STK3: variants seen among roughly 807,000 people sequenced by gnomAD.
STK3 encodes serine/threonine-protein kinase 3.
A neutral mutation model predicts 58.0 loss-of-function variants in STK3; 41 were observed. The observed-to-expected ratio is 0.71, with a 90% confidence interval of 0.55 to 0.92. STK3 has a LOEUF of 0.92. Ranked by LOEUF, STK3 falls within the 40% of genes least tolerant of loss-of-function variation. STK3 has a pLI of 0.00. For missense variants in STK3, 479 were observed against 602.7 expected (o/e 0.79, Z 2.15); for synonymous variants, 170 against 191.0 (o/e 0.89, Z 0.91).
intron 1 of STK3, among the ~76,000 whole-genome samples, chr8:98,809,785 T>A (rs1834104685): frequency 6.6e-6 from 1 of 152,240 alleles, no homozygotes; most frequent in Non-Finnish European, 1.5e-5. Context: ...TTGTACATAA[T>A]GCTGCTATGA....
intron 4 of STK3, among the ~76,000 whole-genome samples, chr8:98,723,828 TGTA>T (rs1269181601): frequency 2.6e-5 from 4 of 152,118 alleles, no homozygotes; most frequent in Non-Finnish European, 5.9e-5. Context: ...AACTCACCAA[TGTA>T]ATCCTTACAC....
intron 3 of STK3, among the ~76,000 whole-genome samples, chr8:98,851,399 T>G (rs1336489436): frequency 6.6e-6 from 1 of 152,120 alleles, no homozygotes; most frequent in Non-Finnish European, 1.5e-5. Flanking sequence ...AAGACAGAGG[T>G]TGCAGAGTCA....
At chr8:98,473,620 T>C (rs1821089018) in intron 10 of STK3, among the ~76,000 whole-genome samples, 1 of 152,198 alleles carries the variant, frequency 6.6e-6, no homozygotes, top group Non-Finnish European at 1.5e-5. Flanking sequence ...ATTCCTCTTG[T>C]TAGGTCGCCA....
intron 1 of STK3, among the ~76,000 whole-genome samples, chr8:98,912,985 G>A (rs1564100364): frequency 6.6e-6 from 1 of 152,230 alleles, no homozygotes; most frequent in East Asian, 1.9e-4. Context: ...CTTGCCTCAT[G>A]CAGCCTCCAC....
At chr8:98,713,073 T>G (rs1299790996) in intron 4 of STK3, among the ~76,000 whole-genome samples, 3 of 152,180 alleles carry the variant, frequency 2.0e-5, no homozygotes, top group African/African-American at 7.2e-5. Flanking sequence ...ATAAAGATGT[T>G]CTTTGAAACC....
At chr8:98,424,129 C>T (rs10955173) in intron 3 of STK3, among the ~76,000 whole-genome samples, 82,103 of 152,236 alleles carry the variant, frequency 0.54, 23,050 homozygotes, top group Non-Finnish European at 0.63. Context: ...GGGAAATAAA[C>T]AAGTGGCTCT....
chr8:98,673,616 G>A (rs1029603664), intron 6 of STK3, among the ~76,000 whole-genome samples: 3 of 152,072 alleles, frequency 2.0e-5, no homozygotes, highest in African/African-American at 7.2e-5. Flanking sequence ...AGGGGCAGGT[G>A]GGATGGTGGA....
intron 3 of STK3, among the ~76,000 whole-genome samples, chr8:98,837,403 C>A (rs541384823): frequency 3.4e-4 from 52 of 151,104 alleles, no homozygotes; most frequent in Non-Finnish European, 6.0e-4. Flanking sequence ...AAATGGCTTT[C>A]ATTTTATAAA....
intron 1 of STK3, among the ~76,000 whole-genome samples, chr8:98,892,116 G>A (rs1380664896): frequency 1.3e-5 from 2 of 152,164 alleles, no homozygotes; most frequent in African/African-American, 4.8e-5. Flanking sequence ...ACGGATGCCT[G>A]CAATTCTACC....
intron 8 of STK3, among the ~76,000 whole-genome samples, chr8:98,556,304 C>T (rs866086992): frequency 3.9e-5 from 6 of 152,046 alleles, no homozygotes; most frequent in Admixed American, 2.6e-4. Flanking sequence ...ATTACAGGGA[C>T]GCATACTGAA....
At position 98,448,784 on chromosome 8, in the gene STK3, T is replaced by C. The variant is rs551542739; in HGVS notation, n.186-11576A>G. ...TTTTCTGTTGAGGAAACATGGGGTA[T>C]GACATAGATTTGTAATTTTTGGTTA... On this transcript the variant is annotated intron_variant and non_coding_transcript_variant, in intron 1 of 3. Coordinates refer to the STK3 transcript ENST00000517832. Among the ~76,000 whole-genome samples, 30 of 152,332 alleles carry C rather than the reference T, an allele frequency of 2.0e-4. No individual in the cohort carries two copies. The East Asian group carries it at 5.4e-3, about 27-fold the overall frequency.
At chr8:98,715,727 T>A (rs1248619091) in intron 4 of STK3, among the ~76,000 whole-genome samples, 1 of 152,200 alleles carries the variant, frequency 6.6e-6, no homozygotes, top group African/African-American at 2.4e-5. Flanking sequence ...GGTGTGGCGA[T>A]TCCTCAGGGA....
In STK3 at chr8:98,854,877, C is replaced by T. The variant is rs557478866; in HGVS notation, c.110+28770G>A. 1.8e-4 allele frequency among the ~76,000 whole-genome samples: 28 copies of T among 152,024 alleles called. No homozygotes were observed. The South Asian group carries it at 3.3e-3, about 18-fold the overall frequency. On this transcript the variant is annotated intron_variant, in intron 3 of 12. Transcript: ENST00000523601. ...TTTGAGACTAGCCTGGCAAATATGG[C>T]GAAACCCCGTCTCTACTAAAAATAC...
intron 6 of STK3, among the ~76,000 whole-genome samples, chr8:98,655,126 C>A (rs572335843): frequency 6.6e-6 from 1 of 151,916 alleles, no homozygotes; most frequent in South Asian, 2.1e-4. Flanking sequence ...GGTACTGGTA[C>A]CAAAACAGAG....
At chr8:98,661,824 C>T (rs755912549) in intron 6 of STK3, among the ~76,000 whole-genome samples, 29 of 151,536 alleles carry the variant, frequency 1.9e-4, no homozygotes, top group Non-Finnish European at 4.3e-4. Context: ...AAAAACCTTA[C>T]TTTGTCTACC....
intron 4 of STK3, among the ~76,000 whole-genome samples, chr8:98,738,366 G>A (rs1034255162): frequency 6.6e-6 from 1 of 152,088 alleles, no homozygotes; most frequent in Non-Finnish European, 1.5e-5. Context: ...CCAGCTACTA[G>A]GGAGGATGAG....
At chr8:98,372,012 T>C (rs1468596214) in intron 2 of STK3, among the ~76,000 whole-genome samples, 2 of 152,086 alleles carry the variant, frequency 1.3e-5, no homozygotes, top group Admixed American at 1.3e-4. Context: ...CGAATATGAC[T>C]AGTGCCCTTT....
chr8:98,370,474 A>T (rs1003114810), downstream of STK3, among the ~76,000 whole-genome samples: 1 of 152,090 alleles, frequency 6.6e-6, no homozygotes, highest in African/African-American at 2.4e-5. Flanking sequence ...GAACAGACTC[A>T]TCTTATGCCT....
chr8:98,592,071 C>T (rs1161627220), intron 7 of STK3, among the ~76,000 whole-genome samples: 1 of 152,184 alleles, frequency 6.6e-6, no homozygotes, highest in East Asian at 1.9e-4. Context: ...ACAGTGCCTC[C>T]TCATTCTATT....
Sources: gnomAD v4.1 joint callset for allele counts (sites outside exome capture counted in the v4.1 genomes callset) on GRCh38, gnomAD v4.1.1 for gene constraint, MANE v1.5 for transcripts, NCBI Gene and HGNC (gene_info 2026-07-23, HGNC 2026-07-21) for gene names.